Variants in PCDHA4 observed in about 807,000 individuals in gnomAD.
PCDHA4 encodes the protein protocadherin alpha-4.
A neutral mutation model predicts 61.4 loss-of-function variants in PCDHA4; 49 were observed. The observed-to-expected ratio is 0.80, with a 90% CI of 0.63 to 1.01. PCDHA4 has a LOEUF of 1.01. Ranked by LOEUF, PCDHA4 falls within the 50% of genes least tolerant of loss-of-function variation. PCDHA4 has a pLI of 0.00. For missense variants in PCDHA4, 1,254 were observed against 1,235.8 expected (o/e 1.01, Z -0.22); for synonymous variants, 590 against 550.3 (o/e 1.07, Z -1.01).
At chr5:140,849,477 C>T in intron 1 of PCDHA4, 1 of 1,590,036 alleles carries the variant, frequency 6.3e-7, no homozygotes, top group Middle Eastern at 1.7e-4. Context: ...TAAAGGCTTC[C>T]CACCCCTGGC....
intron 1 of PCDHA4, among the ~76,000 whole-genome samples, chr5:140,953,593 G>T (rs1392522676): frequency 6.6e-6 from 1 of 152,026 alleles, no homozygotes; most frequent in African/African-American, 2.4e-5. Context: ...GCCTCCTTTT[G>T]TTTATTCCCC....
intron 3 of PCDHA4, among the ~76,000 whole-genome samples, chr5:140,988,517 T>C (rs184897922): frequency 3.0e-3 from 461 of 152,278 alleles, no homozygotes; most frequent in Middle Eastern, 0.014. Context: ...CTTACTTAAG[T>C]CTCTGCTGGC....
At chr5:140,903,500 G>A (rs553764100) in intron 1 of PCDHA4, among the ~76,000 whole-genome samples, 1 of 152,184 alleles carries the variant, frequency 6.6e-6, no homozygotes, top group African/African-American at 2.4e-5. Flanking sequence ...AGGTACCATA[G>A]ATAATAGTTC....
At chr5:140,926,740 A>G (rs1291119790) in intron 1 of PCDHA4, 2 of 1,186,206 alleles carry the variant, frequency 1.7e-6, no homozygotes, top group Non-Finnish European at 2.2e-6. Context: ...CGGGAGGCGC[A>G]ACGTCGGCGG....
At chr5:140,839,504 C>A (rs1554137483) in intron 1 of PCDHA4, among the ~76,000 whole-genome samples, 1 of 152,000 alleles carries the variant, frequency 6.6e-6, no homozygotes, top group Non-Finnish European at 1.5e-5. Flanking sequence ...ATCTTCCTAC[C>A]TCAGCCTCTC....
intron 1 of PCDHA4, chr5:140,875,776 T>G: frequency 6.2e-7 from 1 of 1,613,910 alleles, no homozygotes; most frequent in Non-Finnish European, 8.5e-7. Context: ...GAGCGCGGAG[T>G]GCAGTATCCA....
At chr5:140,934,930 C>G (rs1467115569) in intron 1 of PCDHA4, among the ~76,000 whole-genome samples, 2 of 152,102 alleles carry the variant, frequency 1.3e-5, no homozygotes, top group Non-Finnish European at 2.9e-5. Context: ...CATAAAGTTA[C>G]AAAACTAGTA....
chr5:140,954,411 G>A (rs246022), intron 1 of PCDHA4, among the ~76,000 whole-genome samples: 85,294 of 151,642 alleles, frequency 0.56, 24,563 homozygotes, highest in African/African-American at 0.69. Flanking sequence ...ACAGGGTAAA[G>A]GTGTTCCTTT....
intron 1 of PCDHA4, chr5:140,927,113 A>G (rs782135853): frequency 1.9e-6 from 3 of 1,613,684 alleles, no homozygotes; most frequent in African/African-American, 1.3e-5. Context: ...CCCAGCGGCA[A>G]TTTGGTGGTC....
chr5:140,825,846 T>C (rs1768735970), intron 1 of PCDHA4: 1 of 152,436 alleles, frequency 6.6e-6, no homozygotes, highest in Non-Finnish European at 1.5e-5. Flanking sequence ...TATACCATGA[T>C]ACAAACTCCC....
intron 1 of PCDHA4, chr5:140,811,707 T>C (rs1422423602): frequency 2.0e-5 from 3 of 152,302 alleles, no homozygotes; most frequent in African/African-American, 7.2e-5. Context: ...TGGTGTGAGA[T>C]GGTATCTCAT....
rs138197407 is a variant in PCDHA4, at chr5:140,857,304, C to T, written c.2385+47732C>T. On this transcript the variant is annotated intron_variant, in intron 1 of 3. Coordinates refer to ENST00000530339, the MANE Select transcript of PCDHA4 (RefSeq NM_018907.4). The stretch of plus-strand genomic sequence containing the variant: ...GCTCTGGACCGCGAGAGGGTGTCGG[C>T]CTATGAGCTGGTGGTGACCGCGCGG... 1.9e-5 allele frequency: 30 copies of T among 1,598,646 alleles called. No homozygotes were observed. In the African/African-American group the frequency reaches 3.6e-4, roughly 19 times the overall value.
At chr5:140,993,996 G>C (rs1163632974) in intron 3 of PCDHA4, among the ~76,000 whole-genome samples, 1 of 152,148 alleles carries the variant, frequency 6.6e-6, no homozygotes, top group Non-Finnish European at 1.5e-5. Flanking sequence ...CTTAGGTCAG[G>C]CCAGGCTCTG....
chr5:140,898,228 C>T (rs1302111875), intron 1 of PCDHA4, among the ~76,000 whole-genome samples: 1 of 152,118 alleles, frequency 6.6e-6, no homozygotes, highest in Non-Finnish European at 1.5e-5. Flanking sequence ...CTTTTGTTGC[C>T]ATTGCTTTTG....
chr5:140,858,013 G>T, intron 1 of PCDHA4: 1 of 1,596,968 alleles, frequency 6.3e-7, no homozygotes, highest in Middle Eastern at 1.7e-4. Context: ...ACCATGGCGA[G>T]CCGTCGCTGA....
At chr5:140,968,324 T>C (rs781875050) in intron 1 of PCDHA4, 15 of 1,613,972 alleles carry the variant, frequency 9.3e-6, no homozygotes. Context: ...GCCAGTCACC[T>C]CCTATGTCTC....
intron 1 of PCDHA4, among the ~76,000 whole-genome samples, chr5:140,900,519 T>G (rs1264399196): frequency 6.6e-6 from 1 of 152,224 alleles, no homozygotes; most frequent in East Asian, 1.9e-4. Flanking sequence ...TCAGGTGATC[T>G]GCCCACCTCG....
intron 1 of PCDHA4, among the ~76,000 whole-genome samples, chr5:140,879,173 G>A (rs1010561937): frequency 6.6e-6 from 1 of 152,278 alleles, no homozygotes; most frequent in Non-Finnish European, 1.5e-5. Context: ...AATAAATTAG[G>A]TATCAAGTAA....
intron 3 of PCDHA4, among the ~76,000 whole-genome samples, chr5:140,990,782 C>T (rs1460964532): frequency 2.0e-5 from 3 of 152,120 alleles, no homozygotes; most frequent in Non-Finnish European, 1.5e-5. Context: ...CTGTGTTGGA[C>T]GATGAACCAT....
Sources: gnomAD v4.1 joint callset for allele counts (sites outside exome capture counted in the v4.1 genomes callset) on GRCh38, gnomAD v4.1.1 for gene constraint, MANE v1.5 for transcripts, NCBI Gene and HGNC (gene_info 2026-07-23, HGNC 2026-07-21) for gene names.